The following SYTL5 variants were observed in gnomAD, a reference collection of about 807,000 sequenced individuals.
SYTL5 encodes synaptotagmin-like protein 5.
A neutral mutation model predicts 55.9 loss-of-function variants in SYTL5; 34 were observed. That is an observed-to-expected ratio of 0.61 (90% CI 0.46 to 0.81). The LOEUF is 0.81. Ranked by LOEUF, SYTL5 falls within the 30% of genes least tolerant of loss-of-function variation. SYTL5 has a pLI of 0.00. For synonymous variants in SYTL5, 221 were observed against 188.7 expected, an observed-to-expected ratio of 1.17 and a Z score of -1.40; for missense variants, 637 against 546.7, an observed-to-expected ratio of 1.17 and a Z score of -1.65.
intron 1 of SYTL5, among the ~76,000 whole-genome samples, chrX:38,033,183 T>C (rs1483856586): frequency 9.0e-6 from 1 of 111,505 alleles, no homozygotes; most frequent in East Asian, 2.8e-4. Context: ...TTAAAGGCCC[T>C]GATCTGTTAT....
the SYTL5 span, among the ~76,000 whole-genome samples, chrX:37,995,189 T>C: frequency 9.0e-6 from 1 of 110,500 alleles, no homozygotes; most frequent in African/African-American, 3.3e-5. Flanking sequence ...CGAGGCTTGT[T>C]GAATTCCCAG....
the SYTL5 span, among the ~76,000 whole-genome samples, chrX:37,980,277 T>C: frequency 3.6e-5 from 4 of 112,050 alleles, no homozygotes; most frequent in Non-Finnish European, 5.6e-5. Flanking sequence ...CAATTGCCAA[T>C]AGAGGAAATA....
In SYTL5 at chrX:38,089,709, G is replaced by T. The variant is rs1936751161; in HGVS notation, c.831+122G>T. 5.2e-6 allele frequency: 4 copies of T among 770,646 alleles called. No individual in the cohort carries two copies. The African/African-American group carries it at 6.5e-5, about 12-fold the overall frequency. 63.5% of individuals were successfully genotyped at this position (770,646 alleles called of 1,213,427 possible). On this transcript the variant is annotated intron_variant, in intron 7 of 16. Transcript: ENST00000297875. ...AATTGACTCACAGTTCTGCATGGCT[G>T]CAGAGACCTCAGGAAACTTACAATC...
At chrX:38,089,236 T>C (rs1936735569) in intron 6 of SYTL5, among the ~76,000 whole-genome samples, 1 of 111,983 alleles carries the variant, frequency 8.9e-6, no homozygotes, top group Non-Finnish European at 1.9e-5. Flanking sequence ...GTTTAATTAC[T>C]GTGGGGCAAA....
the SYTL5 span, among the ~76,000 whole-genome samples, chrX:37,905,449 T>TG: frequency 8.8e-5 from 1 of 11,341 alleles, no homozygotes; most frequent in African/African-American, 3.1e-4. Context: ...GGGGGGGGCG[T>TG]GGGGGGTGAC....
At chrX:38,086,570 A>G (rs1377130325) in intron 6 of SYTL5, among the ~76,000 whole-genome samples, 1 of 111,895 alleles carries the variant, frequency 8.9e-6, no homozygotes, top group Non-Finnish European at 1.9e-5. Flanking sequence ...TTTAGCTTGA[A>G]GGTTTGTTGG....
At chrX:37,893,664 ATATATATAATCTATAGATAAACTATAGAT>A in the SYTL5 span, among the ~76,000 whole-genome samples, 219 of 57,093 alleles carry the variant, frequency 3.8e-3, 22 homozygotes, top group African/African-American at 0.015. Context: ...TATAAAATCT[ATATATATAATCTATAGATAAACTATAGAT>A]TATATATAAT....
the SYTL5 span, among the ~76,000 whole-genome samples, chrX:37,939,934 G>A: frequency 7.2e-5 from 8 of 111,454 alleles, no homozygotes; most frequent in East Asian, 8.5e-4. Context: ...AGGTTCAAGC[G>A]ATTCTCCTGC....
chrX:37,987,919 C>T, the SYTL5 span, among the ~76,000 whole-genome samples: 4 of 111,957 alleles, frequency 3.6e-5, no homozygotes, highest in East Asian at 1.1e-3. Flanking sequence ...TGCTTCCTTT[C>T]CTTCTCTGTC....
chrX:38,060,679 G>C (rs1486390863), intron 3 of SYTL5, among the ~76,000 whole-genome samples: 1 of 111,935 alleles, frequency 8.9e-6, no homozygotes, highest in East Asian at 2.8e-4. Context: ...CAGGAGCATG[G>C]GATTAAAAAG....
At chrX:38,053,584 C>T (rs1292056405) in intron 2 of SYTL5, among the ~76,000 whole-genome samples, 6 of 112,079 alleles carry the variant, frequency 5.4e-5, no homozygotes, top group Admixed American at 4.7e-4. Flanking sequence ...CAGTCTACAG[C>T]CATACCACTC....
chrX:38,005,328 C>G (rs1246257170), upstream of SYTL5, among the ~76,000 whole-genome samples: 5 of 111,367 alleles, frequency 4.5e-5, no homozygotes, highest in Non-Finnish European at 9.5e-5. Context: ...ATTCAACATG[C>G]AAAGAAACAA....
the SYTL5 span, among the ~76,000 whole-genome samples, chrX:37,895,445 C>CTTCT: frequency 0.017 from 1,586 of 94,740 alleles, 30 homozygotes; most frequent in South Asian, 0.042. Context: ...TCCTTCCTTC[C>CTTCT]TTCCTTCCTT....
chrX:37,926,199 G>A, the SYTL5 span, among the ~76,000 whole-genome samples: 1 of 111,273 alleles, frequency 9.0e-6, no homozygotes, highest in Admixed American at 9.5e-5. Context: ...TACTGTTTTG[G>A]TTTTGATTTG....
Position 38,126,824 on chromosome X carries a change from C to T in SYTL5, c.*94C>T. 1 of 906,757 alleles carries T rather than the reference C, an allele frequency of 1.1e-6. No individual in the cohort carries two copies. The highest frequency in any genetic ancestry group is 2.9e-5 in the Admixed American group (1 of 33,912). 74.7% of individuals were successfully genotyped at this position (906,757 alleles called of 1,213,427 possible). A position where few individuals can be genotyped will look rare whatever the true frequency, so the allele number is the denominator to read the frequency against. On this transcript the variant is annotated 3_prime_UTR_variant, in exon 17 of 17. Transcript: ENST00000297875. ...TGAGACCTGGGATTCTGCTTCCCTG[C>T]CATTTCTCACCTGACAGTGTTGGGA...
At chrX:38,054,980 G>A (rs1029435742) in intron 3 of SYTL5, among the ~76,000 whole-genome samples, 3 of 111,235 alleles carry the variant, frequency 2.7e-5, no homozygotes, top group Non-Finnish European at 5.7e-5. Context: ...GCCTCCCAAA[G>A]TGCTAGGATT....
chrX:37,982,999 AT>A, the SYTL5 span, among the ~76,000 whole-genome samples: 3 of 111,458 alleles, frequency 2.7e-5, no homozygotes, highest in Non-Finnish European at 5.7e-5. Context: ...AAGTTAACAT[AT>A]GATAAGCCCT....
chrX:38,016,921 G>A (rs1934371767), intron 1 of SYTL5, among the ~76,000 whole-genome samples: 1 of 112,093 alleles, frequency 8.9e-6, no homozygotes, highest in African/African-American at 3.2e-5. Flanking sequence ...GAATATGCAT[G>A]ACTTCAAAAT....
In SYTL5 at chrX:38,110,459, G is replaced by A. The variant is rs1937333643; in HGVS notation, c.1573G>A (p.Glu525Lys). ...ATGGAACTTTGAAAATCCAACTGAT[G>A]AGTGGTTTGTGCTTCAACCCAAGGT... Reference protein sequence around the residue: ...DSWNFENPTDEWFVLQPKVEF... With the variant: ...DSWNFENPTDKWFVLQPKVEF... Residue 525 changes from glutamate to lysine, a missense_variant, in exon 13 of 17, where the codon GAG becomes AAG. Transcript: ENST00000297875. The A allele has an allele frequency of 8.3e-7, 1 of 1,203,058 alleles. No individual in the cohort carries two copies.
Sources: allele counts gnomAD v4.1 joint callset (sites outside exome capture counted in the v4.1 genomes callset), GRCh38; gene constraint gnomAD v4.1.1; transcripts MANE v1.5; gene names NCBI Gene and HGNC (gene_info 2026-07-23, HGNC 2026-07-21).